Variants in PLS1 observed in about 807,000 individuals in gnomAD.
The protein encoded by PLS1 is plastin-1.
Under a neutral mutation model 73.7 loss-of-function variants are expected in PLS1, and 32 were observed. That is an observed-to-expected ratio of 0.43 (90% confidence interval 0.33 to 0.58). PLS1 has a LOEUF of 0.58. Among genes scored for constraint, PLS1 ranks in the 20% least tolerant of loss-of-function variants. The probability of loss-of-function intolerance (pLI) is 0.04; values close to 1 mark genes in which losing one functional copy is unlikely to be tolerated. For synonymous variants in PLS1, 217 were observed against 261.3 expected, an observed-to-expected ratio of 0.83 and a Z score of 1.63; for missense variants, 633 against 740.5, an observed-to-expected ratio of 0.85 and a Z score of 1.68.
chr3:142,680,694 G>C (rs1205198283), intron 6 of PLS1, among the ~76,000 whole-genome samples: 1 of 152,136 alleles, frequency 6.6e-6, no homozygotes, highest in African/African-American at 2.4e-5. Flanking sequence ...AGAACAATGA[G>C]TGGATATTAA....
At chr3:142,668,111 G>T (rs1426184867) in intron 2 of PLS1, among the ~76,000 whole-genome samples, 1 of 152,206 alleles carries the variant, frequency 6.6e-6, no homozygotes, top group Non-Finnish European at 1.5e-5. Context: ...GCTATTAGCA[G>T]ATGAGCAAAG....
chr3:142,670,970 A>G (rs766247214), intron 3 of PLS1, 23 bp from the exon 4 acceptor site: 2 of 1,529,040 alleles, frequency 1.3e-6, no homozygotes, highest in Admixed American at 3.6e-5. Flanking sequence ...CTGATTCTCA[A>G]TTTTACTTAT....
At position 142,602,056 on chromosome 3, in the gene PLS1, T is replaced by A. The variant is rs576483159; in HGVS notation, c.-37+5547T>A. Among the ~76,000 whole-genome samples the A allele has an allele frequency of 2.0e-5, 3 of 152,048 alleles. No homozygotes were observed. In the East Asian group the frequency reaches 5.8e-4, roughly 29 times the overall value. On this transcript the variant is annotated intron_variant, in intron 1 of 15. Transcript: ENST00000457734. ...GTTTCAGCTGGTGGAACCACCAACA[T>A]TCTTTGAGCCACATTTAAAAAAACC...
At chr3:142,680,259 C>CAA (rs2037821054) in intron 6 of PLS1, among the ~76,000 whole-genome samples, 1 of 152,066 alleles carries the variant, frequency 6.6e-6, no homozygotes, top group Non-Finnish European at 1.5e-5. Context: ...GAGATGGGGT[C>CAA]TTGCTGTGTT....
At chr3:142,693,216 T>C (rs1181859571) in intron 10 of PLS1, among the ~76,000 whole-genome samples, 1 of 152,210 alleles carries the variant, frequency 6.6e-6, no homozygotes, top group Non-Finnish European at 1.5e-5. Flanking sequence ...GATAATGGCA[T>C]TGAAATCACA....
chr3:142,659,367 T>C (rs78571434), intron 1 of PLS1, among the ~76,000 whole-genome samples: 1,707 of 152,272 alleles, frequency 0.011, 38 homozygotes, highest in African/African-American at 0.039. Context: ...ATTTTAATCA[T>C]AGATTTTGCT....
chr3:142,681,784 G>A (rs953883216), intron 6 of PLS1, among the ~76,000 whole-genome samples: 7 of 152,154 alleles, frequency 4.6e-5, no homozygotes, highest in Non-Finnish European at 7.3e-5. Flanking sequence ...TAGTGTGGCC[G>A]TTCCATTCCC....
chr3:142,686,302 C>T lies in PLS1; in HGVS notation c.907C>T (p.His303Tyr), dbSNP rs755152898. Residue 303 changes from histidine (H) to tyrosine (Y), a missense_variant, in exon 9 of 16, where the codon CAT becomes TAT. Coordinates refer to ENST00000457734, the MANE Select transcript of PLS1 (RefSeq NM_001145319.2). ...CTTGAAGGACTCGAGAGCCTATTTT[C>T]ATCTGCTTAATCAGATTGCCCCTAA... is the stretch of plus-strand genomic sequence containing the variant. ...QDIKDSRAYF[H>Y]LLNQIAPKGG... is the part of the protein sequence containing the mutation. 8 of 1,604,086 alleles carry T rather than the reference C, an allele frequency of 5.0e-6. No individual in the cohort carries two copies. The Admixed American group carries it at 1.3e-4, about 27-fold the overall frequency.
At chr3:142,611,146 C>T (rs1180377114) in intron 1 of PLS1, among the ~76,000 whole-genome samples, 1 of 152,178 alleles carries the variant, frequency 6.6e-6, no homozygotes, top group East Asian at 1.9e-4. Flanking sequence ...TTGTCACAAA[C>T]TATTATTCTT....
At chr3:142,601,886 T>G (rs1456821759) in intron 1 of PLS1, among the ~76,000 whole-genome samples, 1 of 152,156 alleles carries the variant, frequency 6.6e-6, no homozygotes, top group Non-Finnish European at 1.5e-5. Flanking sequence ...TGAGGTCATA[T>G]AGTTTACAAG....
intron 1 of PLS1, among the ~76,000 whole-genome samples, chr3:142,654,559 G>A (rs192352131): frequency 6.6e-6 from 1 of 151,974 alleles, no homozygotes; most frequent in Non-Finnish European, 1.5e-5. Context: ...TCACTATGTT[G>A]CCCAGGCTGG....
chr3:142,702,331 A>C (rs2038348082), intron 12 of PLS1, among the ~76,000 whole-genome samples: 2 of 152,234 alleles, frequency 1.3e-5, no homozygotes, highest in Admixed American at 1.3e-4. Context: ...TATTTGTAGT[A>C]AATTGAACTT....
intron 6 of PLS1, among the ~76,000 whole-genome samples, chr3:142,679,034 C>T (rs1401486973): frequency 4.0e-5 from 6 of 151,586 alleles, no homozygotes; most frequent in African/African-American, 1.5e-4. Flanking sequence ...TGATGATGAG[C>T]ATTTTTTCAT....
chr3:142,694,559 A>T lies in PLS1; in HGVS notation c.1256+12A>T. The T allele has an allele frequency of 6.7e-7, 1 of 1,492,646 alleles. No homozygotes were observed. The allele number at this position is 1,492,646 out of a possible 1,614,324, so 92.5% of individuals were successfully genotyped here. On this transcript the variant is annotated intron_variant, in intron 11 of 15. Transcript: ENST00000457734. ...AATCATTTGTACAGGTAAATATTTT[A>T]TTGTGCTTCAGCTTTACTGTCAGGG...
In PLS1 at chr3:142,711,494, T is replaced by C; in HGVS notation, c.1630-7T>C. ...TTATGAATGTTCATCTATGCTTTAT[T>C]TTCTAGGATAAATCTATAAGCACAA... On this transcript the variant is annotated splice_region_variant and splice_polypyrimidine_tract_variant and intron_variant, in intron 14 of 15. Coordinates refer to ENST00000457734, the MANE Select transcript of PLS1 (RefSeq NM_001145319.2). 6.4e-7 allele frequency: 1 copy of C among 1,566,900 alleles called. No individual in the cohort carries two copies. The highest frequency in any genetic ancestry group is 1.1e-5 in the South Asian group (1 of 87,658).
chr3:142,609,998 A>T (rs2108545230), intron 1 of PLS1, among the ~76,000 whole-genome samples: 1 of 152,180 alleles, frequency 6.6e-6, no homozygotes, highest in East Asian at 1.9e-4. Flanking sequence ...CCTCGCGAGT[A>T]GCTGGGATTA....
At chr3:142,652,623 C>G (rs1374295432) in intron 1 of PLS1, among the ~76,000 whole-genome samples, 1 of 152,204 alleles carries the variant, frequency 6.6e-6, no homozygotes, top group East Asian at 1.9e-4. Flanking sequence ...CATTGTCCCT[C>G]TTTGCCTAGG....
chr3:142,646,748 C>A (rs1240055143), intron 1 of PLS1, among the ~76,000 whole-genome samples: 1 of 152,238 alleles, frequency 6.6e-6, no homozygotes, highest in East Asian at 1.9e-4. Context: ...TCTCTTGATT[C>A]TTTGAGTCAA....
chr3:142,665,614 G>T (rs1050400695), intron 2 of PLS1, among the ~76,000 whole-genome samples: 27 of 152,188 alleles, frequency 1.8e-4, no homozygotes, highest in African/African-American at 6.3e-4. Flanking sequence ...TGATATTTCT[G>T]TTATTTTATA....
Sources: allele counts gnomAD v4.1 joint callset (sites outside exome capture counted in the v4.1 genomes callset), GRCh38; gene constraint gnomAD v4.1.1; transcripts MANE v1.5; gene names NCBI Gene and HGNC (gene_info 2026-07-23, HGNC 2026-07-21).